Variants in LRP2 observed in about 807,000 individuals in gnomAD.
The protein encoded by LRP2 is LDL receptor related protein 2.
LRP2 carries 172 observed loss-of-function variants against 531.0 expected under a neutral mutation model. That is an observed-to-expected ratio of 0.32 (90% CI 0.29 to 0.37). The LOEUF (loss-of-function observed/expected upper bound fraction) is 0.37. Ranked by LOEUF, LRP2 falls within the 10% of genes least tolerant of loss-of-function variation. The pLI, the probability that LRP2 is intolerant of heterozygous loss-of-function variation, is 1.00. For synonymous variants in LRP2, 1,992 were observed against 2,027.6 expected (o/e 0.98, Z 0.47); for missense variants, 5,167 against 5,868.3 (o/e 0.88, Z 3.90).
chr2:169,156,210 A>G (rs1686325598), intron 65 of LRP2, 64 bp downstream of exon 65: 3 of 1,603,686 alleles, frequency 1.9e-6, no homozygotes, highest in Admixed American at 1.7e-5. Flanking sequence ...CTTTCATCGT[A>G]TAGTGTACTT....
intron 24 of LRP2, among the ~76,000 whole-genome samples, chr2:169,241,917 G>GTC (rs1689821566): frequency 6.6e-6 from 1 of 152,130 alleles, no homozygotes; most frequent in South Asian, 2.1e-4. Flanking sequence ...GGAGAGATAC[G>GTC]TAAGAACTGC....
intron 4 of LRP2, among the ~76,000 whole-genome samples, chr2:169,305,249 T>C (rs1451222664): frequency 3.3e-5 from 5 of 151,972 alleles, no homozygotes; most frequent in Non-Finnish European, 7.4e-5. Flanking sequence ...AAATGCACCA[T>C]GTGGTCATGG....
intron 4 of LRP2, among the ~76,000 whole-genome samples, chr2:169,300,647 T>A (rs1032437286): frequency 3.9e-5 from 6 of 152,176 alleles, no homozygotes; most frequent in African/African-American, 1.4e-4. Flanking sequence ...TGATGGAAAC[T>A]AAATAAAAGA....
intron 49 of LRP2, among the ~76,000 whole-genome samples, chr2:169,186,717 G>T (rs1009347011): frequency 1.3e-5 from 2 of 152,140 alleles, no homozygotes; most frequent in Admixed American, 6.6e-5. Context: ...AGAGAACAGG[G>T]TACAGAAGAT....
intron 1 of LRP2, among the ~76,000 whole-genome samples, chr2:169,333,045 A>C (rs1685307599): frequency 6.6e-6 from 1 of 152,242 alleles, no homozygotes; most frequent in African/African-American, 2.4e-5. Context: ...AAGAGTGCCA[A>C]AAGATTTCCA....
At chr2:169,228,717 A>G (rs1689291063) in intron 31 of LRP2, among the ~76,000 whole-genome samples, 1 of 152,166 alleles carries the variant, frequency 6.6e-6, no homozygotes. Context: ...GTTTACCACC[A>G]ATGAACATTT....
chr2:169,238,436 G>T, intron 26 of LRP2, 134 bp from the exon 27 acceptor site: 1 of 683,364 alleles, frequency 1.5e-6, no homozygotes, highest in South Asian at 1.7e-5. Context: ...TTGGTGGGGA[G>T]GGGAGGAAGC....
At chr2:169,139,122 T>C (rs780766990) in intron 74 of LRP2, 129 bp downstream of exon 74, 154 of 1,383,426 alleles carry the variant, frequency 1.1e-4, no homozygotes, top group Non-Finnish European at 1.6e-4. Context: ...CTCACTACTT[T>C]TTGTTTCTGT....
rs138682138 is a variant in LRP2, at chr2:169,162,527, G to A, written c.11832C>T (p.Asp3944=). The change falls in exon 63 of 79, where the codon GAC becomes GAT. Residue 3944 remains aspartate, a synonymous_variant. Transcript: ENST00000649046. The part of the protein sequence containing the change: ...KCGNGHCIPH[D]NVCDDADDCG... ...AGTCATCGGCATCATCACACACATT[G>A]TCATGTGGAATGCAATGCCCATTGC... is the stretch of plus-strand genomic sequence containing the variant. The A allele has an allele frequency of 1.9e-6, 3 of 1,614,088 alleles. No homozygotes were observed. The African/African-American group carries it at 4.0e-5, about 22-fold the overall frequency.
In LRP2 at chr2:169,140,551, G is replaced by A; in HGVS notation, c.13109-6C>T. 6.2e-7 allele frequency: 1 copy of A among 1,604,060 alleles called. No individual in the cohort carries two copies. Among genetic ancestry groups the A allele is most frequent in the Non-Finnish European group, 8.5e-7 (1 of 1,170,940 alleles). On this transcript the variant is annotated splice_region_variant and splice_polypyrimidine_tract_variant and intron_variant, in intron 71 of 78. Transcript: ENST00000649046. Reference sequence around the variant, plus strand: ...GTTGATAGGCAGTTCGATGGCTGCAGGAAGGGAAAGCCATGCAGGTGTTAG... The same window carrying A: ...GTTGATAGGCAGTTCGATGGCTGCAAGAAGGGAAAGCCATGCAGGTGTTAG...
intron 77 of LRP2, among the ~76,000 whole-genome samples, 185 bp downstream of exon 77, chr2:169,132,389 A>G (rs1419144586): frequency 6.6e-6 from 1 of 152,244 alleles, no homozygotes; most frequent in African/African-American, 2.4e-5. Context: ...GTTAGAATGT[A>G]GCTTTATTTG....
chr2:169,134,177 C>T (rs1416295228), intron 76 of LRP2, among the ~76,000 whole-genome samples: 1 of 148,056 alleles, frequency 6.8e-6, no homozygotes, highest in Non-Finnish European at 1.5e-5. Flanking sequence ...TAGCCTAGCC[C>T]TCATGTCTGC....
chr2:169,286,215 A>G (rs1385784403), intron 9 of LRP2, among the ~76,000 whole-genome samples: 1 of 152,258 alleles, frequency 6.6e-6, no homozygotes, highest in Non-Finnish European at 1.5e-5. Flanking sequence ...AGCAAAGGTC[A>G]CAGAAAAGGT....
chr2:169,205,135 T>G (rs1355507533), intron 41 of LRP2, among the ~76,000 whole-genome samples: 1 of 152,174 alleles, frequency 6.6e-6, no homozygotes, highest in Non-Finnish European at 1.5e-5. Flanking sequence ...CATTCAGATT[T>G]TATAGCAGTT....
chr2:169,143,514 C>T (rs1281129343), intron 70 of LRP2, among the ~76,000 whole-genome samples: 7 of 152,040 alleles, frequency 4.6e-5, no homozygotes, highest in Non-Finnish European at 8.8e-5. Flanking sequence ...GGCGTGGTGG[C>T]GGGCACCTGT....
Position 169,167,981 on chromosome 2 carries a change from G to A in LRP2, c.11635+558C>T, listed in dbSNP as rs149416617. Among the ~76,000 whole-genome samples the A allele has an allele frequency of 6.7e-3, 794 of 118,290 alleles. 11 individuals carry two copies. The highest frequency in any genetic ancestry group is 7.4e-3 in the Non-Finnish European group (431 of 58,320). The allele number at this position is 118,290 out of a possible 152,430, so 77.6% of individuals were successfully genotyped here. A position where few individuals can be genotyped will look rare whatever the true frequency, so the allele number is the denominator to read the frequency against. On this transcript the variant is annotated intron_variant, in intron 61 of 78. Transcript: ENST00000649046. ...ACCCCTCCTCCTCTGCTACTGACAT[G>A]TACCTGAATTGAGACTCACAAACAA... is the stretch of plus-strand genomic sequence containing the variant.
Position 169,207,212 on chromosome 2 carries a change from G to C in LRP2, c.6508C>G (p.Leu2170Val). The C allele has an allele frequency of 6.2e-7, 1 of 1,614,126 alleles. No individual in the cohort carries two copies. Among genetic ancestry groups the C allele is most frequent in the Non-Finnish European group, 8.5e-7 (1 of 1,179,996 alleles). Residue 2170 changes from leucine to valine, a missense_variant, in exon 39 of 79, where the codon CTG (leucine) becomes GTG (valine). Around this residue, in one of 6 missense-constraint regions of LRP2, gnomAD observed 2,811 missense variants for 3,058.0 expected, o/e 0.92. Transcript: ENST00000649046. ...YFTNAFVSET[L>V]IEVLRINTTY... ...GTATTGATCCGCAGAACTTCTATCA[G>C]TGTTTCAGAAACAAAGGCATTGGTG...
rs1553508684 is a variant in LRP2 at position 169,284,256 on chromosome 2, C to CTCTTTTTTTTTTTTTTTTTTTTTTTT, written c.1043-1256_1043-1255insAAAAAAAAAAAAAAAAAAAAAAAAGA. The stretch of plus-strand genomic sequence containing the variant: ...CTTTTCTTTTCTTTTTCTTTTTTTT[C>CTCTTTTTTTTTTTTTTTTTTTTTTTT]TTTTTTTTTTTTTTTTTTTTTTTTT... On this transcript the variant is annotated intron_variant, in intron 9 of 78. Transcript: ENST00000649046. 1.8e-4 allele frequency among the ~76,000 whole-genome samples: 17 copies of CTCTTTTTTTTTTTTTTTTTTTTTTTT among 96,650 alleles called. 3 individuals carry two copies. The highest frequency in any genetic ancestry group is 2.3e-4 in the Non-Finnish European group (12 of 51,786). The allele number at this position is 96,650 out of a possible 152,430, so 63.4% of individuals were successfully genotyped here.
intron 62 of LRP2, among the ~76,000 whole-genome samples, chr2:169,164,416 A>C (rs1336628134): frequency 1.3e-5 from 2 of 152,222 alleles, no homozygotes; most frequent in Non-Finnish European, 2.9e-5. Context: ...GAAAATCATA[A>C]AGGAGTATTT....
Sources: allele counts gnomAD v4.1 joint callset (sites outside exome capture counted in the v4.1 genomes callset), GRCh38; gene constraint gnomAD v4.1.1; regional missense constraint gnomAD v4.1.1; transcripts MANE v1.5; gene names NCBI Gene and HGNC (gene_info 2026-07-23, HGNC 2026-07-21).